Variants in FANCA observed in about 807,000 individuals in gnomAD.
The protein encoded by FANCA is FA complementation group A.
In FANCA, 236 loss-of-function variants were observed where a neutral mutation model predicts 194.3. The observed-to-expected ratio is 1.21, with a 90% CI of 1.09 to 1.35. The LOEUF (loss-of-function observed/expected upper bound fraction) is 1.35. Among genes scored for constraint, FANCA ranks in the 40% most tolerant of loss-of-function variants. The pLI is 0.00. For synonymous variants in FANCA, 1,014 were observed against 715.8 expected (o/e 1.42, Z -6.65); for missense variants, 2,628 against 1,813.9 (o/e 1.45, Z -8.15).
rs1415210877 is a variant in FANCA, at chr16:89,738,529, CAA to C, written c.*70_*71del. On this transcript the variant is annotated 3_prime_UTR_variant, in exon 43 of 43. Coordinates refer to ENST00000389301, the MANE Select transcript of FANCA (RefSeq NM_000135.4). ...ATTTGTAATCCACTTTTTAGTGCAA[CAA>C]GAGCTCCATGTTATGCTTGTAATAA... The C allele has an allele frequency of 6.2e-7, 1 of 1,605,240 alleles. No homozygotes were observed. Among genetic ancestry groups the C allele is most frequent in the Admixed American group, 1.7e-5 (1 of 59,958 alleles).
chr16:89,812,141 C>T (rs1462735953), intron 3 of FANCA, among the ~76,000 whole-genome samples: 9 of 148,114 alleles, frequency 6.1e-5, no homozygotes, highest in African/African-American at 2.0e-4. Context: ...CGAGACCATC[C>T]TGGCTAACAC....
In FANCA at chr16:89,792,026, G is replaced by C. The variant is rs2040093330; in HGVS notation, c.1126C>G (p.Gln376Glu). 9.9e-6 allele frequency: 16 copies of C among 1,614,182 alleles called. No individual in the cohort carries two copies. The highest frequency in any genetic ancestry group is 1.4e-5 in the Non-Finnish European group (16 of 1,180,022). ...ACCTCCTGCGTTTCCAGAACTTCTT[G>C]CAAATGGCCAACCAACTCCTCTGCA... ...LSAEELVGHL[Q>E]EVLETQEVHW... Residue 376 changes from glutamine to glutamate, a missense_variant, in exon 13 of 43, where the codon CAA (glutamine) becomes GAA (glutamate). Physicochemically the swap from Gln to Glu is conservative, Grantham distance 29 (BLOSUM62 2). Transcript: ENST00000389301.
At chr16:89,772,234 G>A (rs1454878252) in intron 22 of FANCA, among the ~76,000 whole-genome samples, 1 of 152,214 alleles carries the variant, frequency 6.6e-6, no homozygotes, top group East Asian at 1.9e-4. Context: ...TTTAGAAACA[G>A]GACTCACCTG....
chr16:89,744,395 A>G (rs551997096), intron 36 of FANCA, among the ~76,000 whole-genome samples: 19 of 152,236 alleles, frequency 1.2e-4, no homozygotes, highest in African/African-American at 3.9e-4. Flanking sequence ...TGGTCCTCAG[A>G]AGGGTGTGTG....
chr16:89,767,207 G>A lies in FANCA; in HGVS notation c.2535C>T (p.Leu845=), dbSNP rs1362752790. 6.2e-7 allele frequency: 1 copy of A among 1,613,540 alleles called. No individual in the cohort carries two copies. The highest frequency in any genetic ancestry group is 8.5e-7 in the Non-Finnish European group (1 of 1,179,480). The part of the protein sequence containing the change: ...KFCTAAISYS[L]CKFSSQSRDT... ...CTCGTGACTGGGAAGAAAACTTGCA[G>A]AGAGAGTAAGAAATTGCTGCTGTAC... Residue 845 remains leucine, a synonymous_variant, in exon 27 of 43, where the codon CTC becomes CTT. Transcript: ENST00000389301.
rs372860171 is a variant in FANCA at position 89,799,123 on chromosome 16, C to A, written c.893+43G>T. On this transcript the variant is annotated intron_variant, in intron 10 of 42. Transcript: ENST00000389301. The stretch of plus-strand genomic sequence containing the variant: ...TCTTGGCTCTTTAATTTGGCAGACA[C>A]CTCCCTGCTGCACACTCAGGCAGGC... 3.7e-6 allele frequency: 6 copies of A among 1,614,052 alleles called. No homozygotes were observed. In the African/African-American group the frequency reaches 4.0e-5, roughly 11 times the overall value.
At chr16:89,752,068 C>G in intron 31 of FANCA, 70 bp downstream of exon 31, 1 of 1,410,820 alleles carries the variant, frequency 7.1e-7, no homozygotes, top group Non-Finnish European at 1.0e-6. Flanking sequence ...CCGCGCCTGG[C>G]AATAAATATC....
intron 14 of FANCA, among the ~76,000 whole-genome samples, chr16:89,789,354 G>A (rs1200863268): frequency 6.6e-6 from 1 of 151,378 alleles, no homozygotes; most frequent in African/African-American, 2.4e-5. Context: ...AGGCACCGCA[G>A]CCCTTGAAAA....
intron 20 of FANCA, among the ~76,000 whole-genome samples, chr16:89,777,495 G>A (rs770545473): frequency 6.6e-6 from 1 of 152,032 alleles, no homozygotes; most frequent in Non-Finnish European, 1.5e-5. Context: ...GGAGGCCGAG[G>A]TGGGTGGATC....
intron 7 of FANCA, 92 bp from the exon 8 acceptor site, chr16:89,803,433 G>A: frequency 5.0e-6 from 6 of 1,196,440 alleles, no homozygotes; most frequent in East Asian, 2.3e-5. Flanking sequence ...AGGGGCGGGT[G>A]AGCATATGGC....
intron 8 of FANCA, among the ~76,000 whole-genome samples, chr16:89,800,716 G>C (rs991047766): frequency 2.0e-5 from 3 of 152,116 alleles, no homozygotes; most frequent in Non-Finnish European, 2.9e-5. Flanking sequence ...CATACACACA[G>C]ACCAACGGAA....
intron 3 of FANCA, 104 bp downstream of exon 3, chr16:89,814,411 AAACCC>A: frequency 1.2e-6 from 1 of 811,522 alleles, no homozygotes; most frequent in Admixed American, 2.4e-5. Context: ...ACACCAGTGG[AAACCC>A]ATCGCCTGAG....
At chr16:89,808,491 T>C in intron 5 of FANCA, 124 bp from the exon 6 acceptor site, 1 of 994,886 alleles carries the variant, frequency 1.0e-6, no homozygotes, top group Admixed American at 2.2e-5. Flanking sequence ...GTATTGAAAA[T>C]TAACCTCAAG....
At chr16:89,815,548 G>C (rs2041077489) in intron 2 of FANCA, among the ~76,000 whole-genome samples, 1 of 151,870 alleles carries the variant, frequency 6.6e-6, no homozygotes, top group Admixed American at 6.6e-5. Flanking sequence ...TAGAGACCGG[G>C]TTTCACTATG....
At chr16:89,742,369 G>A (rs1483875012) in intron 37 of FANCA, among the ~76,000 whole-genome samples, 4 of 152,036 alleles carry the variant, frequency 2.6e-5, no homozygotes, top group African/African-American at 9.7e-5. Context: ...GAGGTAAGAG[G>A]ATGGCTTGAG....
At chr16:89,751,139 C>A (rs553816876) in intron 31 of FANCA, among the ~76,000 whole-genome samples, 7 of 152,210 alleles carry the variant, frequency 4.6e-5, no homozygotes, top group African/African-American at 1.4e-4. Context: ...GTGATCTAGC[C>A]ACCTCAGCCT....
chr16:89,793,197 G>C (rs368854884), intron 11 of FANCA, among the ~76,000 whole-genome samples: 13 of 152,234 alleles, frequency 8.5e-5, no homozygotes, highest in African/African-American at 3.1e-4. Flanking sequence ...TCTAAGTAGT[G>C]AGTGGTGTTC....
At chr16:89,748,011 A>T (rs1362767314) in intron 33 of FANCA, among the ~76,000 whole-genome samples, 1 of 152,144 alleles carries the variant, frequency 6.6e-6, no homozygotes, top group African/African-American at 2.4e-5. Flanking sequence ...TCCTGGGCTC[A>T]ATTACTCCTC....
At chr16:89,770,683 G>C (rs770085033) in intron 23 of FANCA, 49 bp from the exon 24 acceptor site, 6 of 1,512,248 alleles carry the variant, frequency 4.0e-6, no homozygotes, top group Non-Finnish European at 5.4e-6. Flanking sequence ...GACGGGAGCA[G>C]CAGGAAGGAA....
Sources: allele counts gnomAD v4.1 joint callset (sites outside exome capture counted in the v4.1 genomes callset), GRCh38; gene constraint gnomAD v4.1.1; transcripts MANE v1.5; gene names NCBI Gene and HGNC (gene_info 2026-07-23, HGNC 2026-07-21).